HECW1: variants seen among roughly 807,000 people sequenced by gnomAD.
HECW1 encodes E3 ubiquitin-protein ligase HECW1.
In HECW1, 61 loss-of-function variants were observed where a neutral mutation model predicts 182.3. That is an observed-to-expected ratio of 0.33 (90% CI 0.27 to 0.41). HECW1 has a LOEUF of 0.41. Among genes scored for constraint, HECW1 ranks in the 10% least tolerant of loss-of-function variants. The probability of loss-of-function intolerance (pLI) is 1.00; values close to 1 mark genes in which losing one functional copy is unlikely to be tolerated. For synonymous variants in HECW1, 859 were observed against 832.6 expected, an observed-to-expected ratio of 1.03 and a Z score of -0.55; for missense variants, 1,739 against 2,108.9, an observed-to-expected ratio of 0.82 and a Z score of 3.44.
chr7:43,229,279 C>T (rs1797685008), intron 2 of HECW1, among the ~76,000 whole-genome samples: 2 of 152,148 alleles, frequency 1.3e-5, no homozygotes, highest in African/African-American at 4.8e-5. Context: ...TCCTAAGATC[C>T]ATTGCCATGG....
chr7:43,113,735 C>T (rs1784827981), intron 1 of HECW1: 1 of 219,922 alleles, frequency 4.5e-6, no homozygotes. Flanking sequence ...CCCCACGTTC[C>T]CGGGCGGTGA....
At chr7:43,388,938 C>T (rs1301034572) in intron 6 of HECW1, among the ~76,000 whole-genome samples, 1 of 152,106 alleles carries the variant, frequency 6.6e-6, no homozygotes, top group African/African-American at 2.4e-5. Flanking sequence ...CTTCACAGGC[C>T]GAGGGGACAG....
At chr7:43,285,433 G>A (rs1804512316) in intron 3 of HECW1, among the ~76,000 whole-genome samples, 1 of 152,160 alleles carries the variant, frequency 6.6e-6, no homozygotes, top group South Asian at 2.1e-4. Flanking sequence ...AGGTCCATGA[G>A]GATCTCTGAA....
chr7:43,477,164 T>C (rs1419231898), intron 16 of HECW1, among the ~76,000 whole-genome samples: 2 of 152,154 alleles, frequency 1.3e-5, no homozygotes, highest in African/African-American at 4.8e-5. Context: ...AAGAGTTCTT[T>C]CAAAATTAGT....
In HECW1 at chr7:43,275,708, G is replaced by GCACACA. The variant is rs146476821; in HGVS notation, c.27+31794_27+31799dup. On this transcript the variant is annotated intron_variant, in intron 3 of 29. Coordinates refer to ENST00000395891, the MANE Select transcript of HECW1 (RefSeq NM_015052.5). ...CCAAGTAGTCTGTTCTTATGCGCACGCACACACACACACACACACACACTA... is the reference window on the plus strand; with the variant it reads ...CCAAGTAGTCTGTTCTTATGCGCACGCACACACACACACACACACACACACACACTA... Among the ~76,000 whole-genome samples, 1,059 of 146,082 alleles carry GCACACA rather than the reference G, an allele frequency of 7.2e-3. 10 individuals carry two copies. The highest frequency in any genetic ancestry group is 0.023 in the African/African-American group (921 of 39,212).
chr7:43,119,911 C>T (rs559411005), intron 2 of HECW1, among the ~76,000 whole-genome samples: 7 of 152,306 alleles, frequency 4.6e-5, no homozygotes, highest in Admixed American at 1.3e-4. Context: ...TTCTGTAGTC[C>T]TTGCCCATCT....
intron 2 of HECW1, among the ~76,000 whole-genome samples, chr7:43,146,649 T>G (rs2152639050): frequency 6.6e-6 from 1 of 152,302 alleles, no homozygotes; most frequent in Non-Finnish European, 1.5e-5. Context: ...TAGATGGAAT[T>G]TCACTGAAGT....
At chr7:43,496,023 T>C (rs2079108568) in intron 19 of HECW1, among the ~76,000 whole-genome samples, 1 of 152,088 alleles carries the variant, frequency 6.6e-6, no homozygotes, top group Non-Finnish European at 1.5e-5. Context: ...GTGAGTGGAA[T>C]GTATTTCCAA....
chr7:43,250,097 T>C (rs1799861357), intron 3 of HECW1, among the ~76,000 whole-genome samples: 1 of 145,306 alleles, frequency 6.9e-6, no homozygotes, highest in Non-Finnish European at 1.5e-5. Flanking sequence ...TCTTCCTCTC[T>C]TGCAGATTTT....
At chr7:43,209,820 A>G (rs1451680382) in intron 2 of HECW1, among the ~76,000 whole-genome samples, 1 of 152,188 alleles carries the variant, frequency 6.6e-6, no homozygotes, top group Non-Finnish European at 1.5e-5. Context: ...GGCATTCCAG[A>G]AGAGTGAAGG....
chr7:43,483,024 C>T lies in HECW1; in HGVS notation c.3234+3280C>T, dbSNP rs548950502. 5.3e-5 allele frequency among the ~76,000 whole-genome samples: 8 copies of T among 152,250 alleles called. 1 individual carries two copies. The South Asian group carries it at 1.7e-3, about 32-fold the overall frequency. On this transcript the variant is annotated intron_variant, in intron 17 of 29. Transcript: ENST00000395891. ...ACAGAGCACAGCCTAAGCAAAGGTG[C>T]AGAGGTCGGATTGAGAAAGGCTCAC...
chr7:43,465,124 A>T (rs2077720220), intron 14 of HECW1, among the ~76,000 whole-genome samples: 1 of 152,144 alleles, frequency 6.6e-6, no homozygotes, highest in Admixed American at 6.5e-5. Context: ...CTTTGTTCAA[A>T]CTTCTGAGAG....
chr7:43,312,860 T>C (rs763792722), intron 4 of HECW1, among the ~76,000 whole-genome samples: 4 of 152,240 alleles, frequency 2.6e-5, no homozygotes, highest in Non-Finnish European at 5.9e-5. Flanking sequence ...AATTGATGTG[T>C]TTACCCAAAA....
intron 19 of HECW1, among the ~76,000 whole-genome samples, chr7:43,497,686 G>A (rs1000262563): frequency 6.6e-6 from 1 of 152,142 alleles, no homozygotes; most frequent in Non-Finnish European, 1.5e-5. Context: ...AGAGAAGGGA[G>A]CAGTTTGGGG....
intron 6 of HECW1, among the ~76,000 whole-genome samples, chr7:43,383,953 TG>T (rs1562915731): frequency 1.3e-5 from 2 of 152,194 alleles, no homozygotes; most frequent in Non-Finnish European, 2.9e-5. Flanking sequence ...AGTCATTAAG[TG>T]GAAGTGGATC....
chr7:43,201,024 G>A (rs1165534791), intron 2 of HECW1, among the ~76,000 whole-genome samples: 2 of 152,146 alleles, frequency 1.3e-5, no homozygotes, highest in Admixed American at 1.3e-4. Flanking sequence ...ATACACCTCT[G>A]TTATTTTGAA....
At chr7:43,415,415 C>A (rs1334866692) in intron 8 of HECW1, among the ~76,000 whole-genome samples, 2 of 147,658 alleles carry the variant, frequency 1.4e-5, no homozygotes, top group East Asian at 2.0e-4. Context: ...GTCTGATGGG[C>A]TTCCCTTTGA....
chr7:43,360,367 C>T (rs1815715771), intron 5 of HECW1, among the ~76,000 whole-genome samples: 1 of 152,048 alleles, frequency 6.6e-6, no homozygotes, highest in African/African-American at 2.4e-5. Context: ...TGCGTGCTAC[C>T]ACTGCCAGCT....
At chr7:43,179,267 C>T (rs916104772) in intron 2 of HECW1, among the ~76,000 whole-genome samples, 8 of 152,144 alleles carry the variant, frequency 5.3e-5, no homozygotes, top group African/African-American at 1.4e-4. Flanking sequence ...ATTATTTGTG[C>T]GGCATCAAGG....
Sources: allele counts gnomAD v4.1 joint callset (sites outside exome capture counted in the v4.1 genomes callset), GRCh38; gene constraint gnomAD v4.1.1; transcripts MANE v1.5; gene names NCBI Gene and HGNC (gene_info 2026-07-23, HGNC 2026-07-21).